Variants in EEF1E1 observed in about 807,000 individuals in gnomAD.
EEF1E1 encodes eukaryotic translation elongation factor 1 epsilon-1.
Under a neutral mutation model 19.9 loss-of-function variants are expected in EEF1E1, and 19 were observed. The observed-to-expected ratio is 0.95, with a 90% CI of 0.66 to 1.40. EEF1E1 has a LOEUF of 1.40. Ranked by LOEUF, EEF1E1 falls within the 40% of genes most tolerant of loss-of-function variation. EEF1E1 has a pLI of 0.00. For missense variants in EEF1E1, 198 were observed against 202.2 expected (o/e 0.98, Z 0.13); for synonymous variants, 81 against 80.0 (o/e 1.01, Z -0.07).
In EEF1E1 at chr6:8,091,940, A is replaced by T. The variant is rs371584171; in HGVS notation, c.289-1659T>A. On this transcript the variant is annotated intron_variant, in intron 2 of 3. Coordinates refer to ENST00000379715, the MANE Select transcript of EEF1E1 (RefSeq NM_004280.5). ...AGAATACATAGACTGGGTGGCATGT[A>T]AACAAAAGAGATTTATTCCTCACAG... Among the ~76,000 whole-genome samples the T allele has an allele frequency of 1.9e-4, 29 of 152,344 alleles. No individual in the cohort carries two copies. In the East Asian group the frequency reaches 4.8e-3, roughly 25 times the overall value.
rs1437824478 is a variant in EEF1E1 at position 8,079,558 on chromosome 6, A to G, written c.*332T>C. ...GAATATGAAAGAGAGGTTAATAAAT[A>G]GCCAAATATGTCAACCATTGAAATG... On this transcript the variant is annotated 3_prime_UTR_variant, in exon 4 of 4. Coordinates refer to ENST00000379715, the MANE Select transcript of EEF1E1 (RefSeq NM_004280.5). 2.0e-6 allele frequency: 2 copies of G among 1,021,530 alleles called. No individual in the cohort carries two copies. Among genetic ancestry groups the G allele is most frequent in the African/African-American group, 3.4e-5 (2 of 58,656 alleles). The allele number at this position is 1,021,530 out of a possible 1,614,324, so 63.3% of individuals were successfully genotyped here. A position where few individuals can be genotyped will look rare whatever the true frequency, so the allele number is the denominator to read the frequency against.
At chr6:8,087,847 T>G (rs947297453) in intron 3 of EEF1E1, among the ~76,000 whole-genome samples, 3 of 152,196 alleles carry the variant, frequency 2.0e-5, no homozygotes, top group African/African-American at 7.2e-5. Flanking sequence ...AGGATCTGAT[T>G]GACTGGATGC....
chr6:8,088,511 T>C (rs931508925), intron 3 of EEF1E1, among the ~76,000 whole-genome samples: 1 of 152,174 alleles, frequency 6.6e-6, no homozygotes, highest in Non-Finnish European at 1.5e-5. Context: ...CTGATGGTTT[T>C]ATAAGTGGGA....
At chr6:8,088,707 G>A (rs1581465404) in intron 3 of EEF1E1, among the ~76,000 whole-genome samples, 1 of 152,240 alleles carries the variant, frequency 6.6e-6, no homozygotes, top group Non-Finnish European at 1.5e-5. Flanking sequence ...GCGTGAAAAT[G>A]GACTAATACA....
At chr6:8,073,609 T>C (rs1470025039) in intron 3 of EEF1E1, 3 of 1,455,548 alleles carry the variant, frequency 2.1e-6, no homozygotes, top group East Asian at 2.6e-5. Flanking sequence ...ATTATTGTTG[T>C]TATTAAAAGT....
intron 2 of EEF1E1, among the ~76,000 whole-genome samples, chr6:8,092,873 T>G (rs995393979): frequency 2.8e-5 from 3 of 106,358 alleles, no homozygotes; most frequent in African/African-American, 3.8e-5. Flanking sequence ...AGACTGCTTT[T>G]TTTTTTTTTT....
At chr6:8,096,874 C>T (rs1758189241) in intron 2 of EEF1E1, among the ~76,000 whole-genome samples, 1 of 152,118 alleles carries the variant, frequency 6.6e-6, no homozygotes, top group Admixed American at 6.5e-5. Flanking sequence ...CTGCTTCTCT[C>T]TTGCCTCTGA....
At chr6:8,093,951 T>A (rs1267510991) in intron 2 of EEF1E1, among the ~76,000 whole-genome samples, 1 of 151,840 alleles carries the variant, frequency 6.6e-6, no homozygotes, top group Non-Finnish European at 1.5e-5. Context: ...GTGCGTGCCA[T>A]CACGCCCAGC....
In EEF1E1 at chr6:8,085,831, G is replaced by T. The variant is rs148940453; in HGVS notation, c.384+4355C>A. On this transcript the variant is annotated intron_variant, in intron 3 of 3. Transcript: ENST00000379715. ...TCTGTATTCTACTTATCTGCCTCATGCATTAATAACATAATATTCTGACCA... is the reference window on the plus strand; with the variant it reads ...TCTGTATTCTACTTATCTGCCTCATTCATTAATAACATAATATTCTGACCA... Among the ~76,000 whole-genome samples, 270 of 152,252 alleles carry T rather than the reference G, an allele frequency of 1.8e-3. 3 individuals are homozygous for T. Among genetic ancestry groups the T allele is most frequent in the African/African-American group, 6.2e-3 (259 of 41,544 alleles).
At chr6:8,077,468 T>A (rs950745863), downstream of EEF1E1, among the ~76,000 whole-genome samples, 70 of 152,236 alleles carry the variant, frequency 4.6e-4, no homozygotes, top group African/African-American at 1.6e-3. Context: ...TTGTTTAGTG[T>A]AGCCACCTTC....
chr6:8,079,773 T>C lies in EEF1E1; in HGVS notation c.*117A>G. On this transcript the variant is annotated 3_prime_UTR_variant, in exon 4 of 4. Transcript: ENST00000379715. ...ACACAAGTTTACACTTCAAAAATTCTATCAACTTCAACAAATAATGAATGA... is the reference window on the plus strand; with the variant it reads ...ACACAAGTTTACACTTCAAAAATTCCATCAACTTCAACAAATAATGAATGA... 7.4e-7 allele frequency: 1 copy of C among 1,355,144 alleles called. No individual in the cohort carries two copies. Among genetic ancestry groups the C allele is most frequent in the South Asian group, 2.3e-5 (1 of 44,096 alleles). The allele number at this position is 1,355,144 out of a possible 1,614,324, so 83.9% of individuals were successfully genotyped here.
intron 2 of EEF1E1, 99 bp from the exon 3 acceptor site, chr6:8,090,380 C>T: frequency 1.2e-6 from 1 of 800,160 alleles, no homozygotes. Context: ...TACTAGAAAA[C>T]AAAATATTGC....
At chr6:8,097,141 A>T in intron 2 of EEF1E1, 126 bp downstream of exon 2, 1 of 916,658 alleles carries the variant, frequency 1.1e-6, no homozygotes, top group Non-Finnish European at 1.7e-6. Flanking sequence ...GGAATAACAG[A>T]TGCAAACTAC....
At position 8,087,576 on chromosome 6, in the gene EEF1E1, C is replaced by T. The variant is rs534639797; in HGVS notation, c.384+2610G>A. 7.9e-5 allele frequency among the ~76,000 whole-genome samples: 12 copies of T among 152,352 alleles called. No homozygotes were observed. In the East Asian group the frequency reaches 1.9e-3, roughly 25 times the overall value. Reference sequence around the variant, plus strand: ...CCATGTTGGCCAGGCTGGTCTCAAACTCCTGACCTCAAGTGATCTGCCCGC... The same window carrying T: ...CCATGTTGGCCAGGCTGGTCTCAAATTCCTGACCTCAAGTGATCTGCCCGC... On this transcript the variant is annotated intron_variant, in intron 3 of 3. Coordinates refer to ENST00000379715, the MANE Select transcript of EEF1E1 (RefSeq NM_004280.5).
At chr6:8,101,626 A>G (rs1409661346) in intron 1 of EEF1E1, 1 of 662,486 alleles carries the variant, frequency 1.5e-6, no homozygotes, top group African/African-American at 1.9e-5. Flanking sequence ...TCATTTGGAA[A>G]AAATCTCAAA....
chr6:8,076,719 C>G (rs1757600155), downstream of EEF1E1, among the ~76,000 whole-genome samples: 1 of 152,188 alleles, frequency 6.6e-6, no homozygotes, highest in Non-Finnish European at 1.5e-5. Context: ...GGCATGAAAA[C>G]ACTGTATTTA....
At chr6:8,085,087 T>C (rs571476358) in intron 3 of EEF1E1, among the ~76,000 whole-genome samples, 4 of 152,312 alleles carry the variant, frequency 2.6e-5, no homozygotes, top group African/African-American at 9.6e-5. Flanking sequence ...TATTACACTT[T>C]CACTACAGAG....
At chr6:8,092,619 A>G (rs1758043733) in intron 2 of EEF1E1, among the ~76,000 whole-genome samples, 1 of 152,174 alleles carries the variant, frequency 6.6e-6, no homozygotes, top group African/African-American at 2.4e-5. Context: ...ATGTATTGGT[A>G]TATTAGGGAC....
chr6:8,090,112 T>C, intron 3 of EEF1E1, 74 bp downstream of exon 3: 2 of 1,293,314 alleles, frequency 1.5e-6, no homozygotes, highest in Non-Finnish European at 2.1e-6. Flanking sequence ...AAATCTGATT[T>C]AAATTCAAGA....
Sources: allele counts gnomAD v4.1 joint callset (sites outside exome capture counted in the v4.1 genomes callset), GRCh38; gene constraint gnomAD v4.1.1; transcripts MANE v1.5; gene names NCBI Gene and HGNC (gene_info 2026-07-23, HGNC 2026-07-21).